The following MYDGF variants were observed in gnomAD, a reference collection of about 807,000 sequenced individuals.
The protein encoded by MYDGF is myeloid-derived growth factor.
Under a neutral mutation model 24.2 loss-of-function variants are expected in MYDGF, and 29 were observed. The observed-to-expected ratio is 1.20, with a 90% CI of 0.89 to 1.63. The LOEUF (loss-of-function observed/expected upper bound fraction) is 1.63. MYDGF is among the 40% of genes most tolerant of loss of function. MYDGF has a pLI of 0.00. For synonymous variants in MYDGF, 105 were observed against 102.5 expected (o/e 1.02, Z -0.15); for missense variants, 245 against 234.8 (o/e 1.04, Z -0.29).
rs1383532955 is a variant in MYDGF, at chr19:4,663,158, C to A, written c.287+1718G>T. ...CAGCCTCCAATCTACCCTCCCCACC[C>A]GTCCTGTCCTCATTCTACACAGCCT... On this transcript the variant is annotated intron_variant, in intron 3 of 5. Coordinates refer to ENST00000262947, the MANE Select transcript of MYDGF (RefSeq NM_019107.4). Among the ~76,000 whole-genome samples the A allele has an allele frequency of 2.7e-5, 4 of 147,948 alleles. 1 individual carries two copies. The highest frequency in any genetic ancestry group is 2.7e-4 in the Admixed American group (4 of 14,918).
Position 4,657,899 on chromosome 19 carries a change from TAA to T in MYDGF, c.*104_*105del, listed in dbSNP as rs1259978229. On this transcript the variant is annotated 3_prime_UTR_variant, in exon 6 of 6. Coordinates refer to ENST00000262947, the MANE Select transcript of MYDGF (RefSeq NM_019107.4). ...GCAACGTCAGCCCAGGTAGAAAACTTAAGAGTCCCTCCTAGAAAACCAGTGAT... is the reference window on the plus strand; with the variant it reads ...GCAACGTCAGCCCAGGTAGAAAACTTGAGTCCCTCCTAGAAAACCAGTGAT... 1.7e-5 allele frequency: 19 copies of T among 1,090,450 alleles called. No homozygotes were observed. Among genetic ancestry groups the T allele is most frequent in the Admixed American group, 5.1e-5 (2 of 39,120 alleles). The allele number at this position is 1,090,450 out of a possible 1,614,324, so 67.5% of individuals were successfully genotyped here. A position where few individuals can be genotyped will look rare whatever the true frequency, so the allele number is the denominator to read the frequency against.
At chr19:4,670,097 AT>A in intron 1 of MYDGF, 63 bp downstream of exon 1, 1 of 1,387,002 alleles carries the variant, frequency 7.2e-7, no homozygotes, top group Non-Finnish European at 9.4e-7. Context: ...CCCGCCCCCA[AT>A]GCTCCGCGCC....
chr19:4,667,086 G>A (rs1233103864), intron 2 of MYDGF, among the ~76,000 whole-genome samples: 1 of 151,068 alleles, frequency 6.6e-6, no homozygotes, highest in Admixed American at 6.6e-5. Flanking sequence ...CTCAAGGGCA[G>A]CAGTGGCGTA....
chr19:4,658,661 G>A (rs1037737781), intron 5 of MYDGF, among the ~76,000 whole-genome samples: 3 of 152,144 alleles, frequency 2.0e-5, no homozygotes, highest in Non-Finnish European at 4.4e-5. Context: ...GTGGCTTGAG[G>A]ACACCGGTGC....
chr19:4,664,878 C>G lies in MYDGF; in HGVS notation c.285G>C (p.Trp95Cys). The G allele has an allele frequency of 6.2e-7, 1 of 1,612,676 alleles. No individual in the cohort carries two copies. The highest frequency in any genetic ancestry group is 8.5e-7 in the Non-Finnish European group (1 of 1,179,710). Residue 95 changes from tryptophan (W) to cysteine (C), a missense_variant and splice_region_variant, in exon 3 of 6, where the codon TGG (tryptophan) becomes TGC (cysteine). Coordinates refer to ENST00000262947, the MANE Select transcript of MYDGF (RefSeq NM_019107.4). Reference sequence around the variant, plus strand: ...GCCATCCCCACCCCGAGTCTCACCTCCAGATGGTGCAGGTGAAGTGCTGGT... The same window carrying G: ...GCCATCCCCACCCCGAGTCTCACCTGCAGATGGTGCAGGTGAAGTGCTGGT... ...EDHQHFTCTI[W>C]RPQGKSYLYF...
intron 3 of MYDGF, 25 bp from the exon 4 acceptor site, chr19:4,660,775 AG>A (rs779375621): frequency 1.1e-5 from 17 of 1,604,148 alleles, no homozygotes; most frequent in Non-Finnish European, 1.4e-5. Context: ...GGGGCGAGGG[AG>A]TCAGGCCAGG....
intron 3 of MYDGF, among the ~76,000 whole-genome samples, chr19:4,663,596 CCCCA>C (rs1210699750): frequency 0.01 from 529 of 52,286 alleles, 120 homozygotes; most frequent in Non-Finnish European, 0.022. Flanking sequence ...AATCTACCCT[CCCCA>C]CCCACCCCAT....
Position 4,670,199 on chromosome 19 carries a change from C to T in MYDGF, c.136G>A (p.Gly46Ser). The T allele has an allele frequency of 6.4e-7, 1 of 1,559,414 alleles. No homozygotes were observed. The highest frequency in any genetic ancestry group is 8.6e-7 in the Non-Finnish European group (1 of 1,156,156). Residue 46 changes from glycine (G) to serine (S), a missense_variant, in exon 1 of 6, where the codon GGC becomes AGC. Transcript: ENST00000262947. ...TTVAFDVRPG[G>S]VVHSFSHNVG... The stretch of plus-strand genomic sequence containing the variant: ...TTATGGGAGAAGGAATGCACGACGC[C>T]GCCGGGCCGCACGTCAAACGCCACC...
At chr19:4,664,998 G>A in intron 2 of MYDGF, 61 bp from the exon 3 acceptor site, 1 of 1,557,680 alleles carries the variant, frequency 6.4e-7, no homozygotes, top group Non-Finnish European at 8.8e-7. Context: ...GAGACTTCTA[G>A]GTGTGCCTCT....
At chr19:4,669,454 C>G (rs1568288930) in intron 1 of MYDGF, among the ~76,000 whole-genome samples, 1 of 151,994 alleles carries the variant, frequency 6.6e-6, no homozygotes, top group Non-Finnish European at 1.5e-5. Context: ...CCATCTCAAA[C>G]AACAACAACA....
At chr19:4,663,496 C>T (rs58636635) in intron 3 of MYDGF, among the ~76,000 whole-genome samples, 113 of 93,656 alleles carry the variant, frequency 1.2e-3, no homozygotes, top group Middle Eastern at 7.8e-3. Context: ...CAGCCTCCAA[C>T]CTGTGCACTC....
chr19:4,663,135 G>A (rs964037597), intron 3 of MYDGF, among the ~76,000 whole-genome samples: 1 of 121,634 alleles, frequency 8.2e-6, no homozygotes, highest in Non-Finnish European at 1.7e-5. Flanking sequence ...TCATTCTACA[G>A]CCTCCAATCT....
intron 5 of MYDGF, among the ~76,000 whole-genome samples, chr19:4,659,522 C>T (rs894304135): frequency 6.6e-6 from 1 of 152,008 alleles, no homozygotes; most frequent in African/African-American, 2.4e-5. Context: ...CCGCACCCAG[C>T]CTGATTTTTA....
chr19:4,661,352 T>C (rs1258689023), intron 3 of MYDGF, among the ~76,000 whole-genome samples: 1 of 152,116 alleles, frequency 6.6e-6, no homozygotes, highest in Admixed American at 6.5e-5. Flanking sequence ...CAGGACCCCA[T>C]GTCCATTCAC....
At chr19:4,658,282 C>T (rs146403379) in intron 5 of MYDGF, among the ~76,000 whole-genome samples, 198 bp from the exon 6 acceptor site, 261 of 152,234 alleles carry the variant, frequency 1.7e-3, no homozygotes, top group South Asian at 6.4e-3. Context: ...AGGGTAAGGT[C>T]GGTGGGGCTA....
intron 2 of MYDGF, among the ~76,000 whole-genome samples, 155 bp from the exon 3 acceptor site, chr19:4,665,092 T>C (rs1025565423): frequency 1.3e-5 from 2 of 152,220 alleles, no homozygotes; most frequent in Admixed American, 6.5e-5. Context: ...CCTGGTGGCC[T>C]GGGGTTTGCT....
intron 5 of MYDGF, 86 bp downstream of exon 5, chr19:4,659,845 G>T: frequency 8.2e-7 from 1 of 1,212,530 alleles, no homozygotes; most frequent in Non-Finnish European, 1.2e-6. Context: ...GGACCCCTAT[G>T]GCTGACCCCC....
At chr19:4,663,270 C>T (rs1175799244) in intron 3 of MYDGF, among the ~76,000 whole-genome samples, 1 of 133,274 alleles carries the variant, frequency 7.5e-6, no homozygotes, top group Non-Finnish European at 1.6e-5. Context: ...ATTCTACAGC[C>T]TCCAATCTGT....
intron 5 of MYDGF, chr19:4,659,629 TGCGGTAACAGGCATGAGCCACC>T (rs1842866208): frequency 2.0e-6 from 1 of 495,312 alleles, no homozygotes; most frequent in South Asian, 4.5e-5. Context: ...CCTGAGCAGC[TGCGGTAACAGGCATGAGCCACC>T]GCGCCCAGCT....
Sources: gnomAD v4.1 joint callset for allele counts (sites outside exome capture counted in the v4.1 genomes callset) on GRCh38, gnomAD v4.1.1 for gene constraint, MANE v1.5 for transcripts, NCBI Gene and HGNC (gene_info 2026-07-23, HGNC 2026-07-21) for gene names.